TTC23: variants seen among roughly 807,000 people sequenced by gnomAD.
TTC23 encodes the protein tetratricopeptide repeat domain 23.
A neutral mutation model predicts 55.1 loss-of-function variants in TTC23; 58 were observed. The observed-to-expected ratio is 1.05, with a 90% CI of 0.85 to 1.31. The LOEUF (loss-of-function observed/expected upper bound fraction) is 1.31, where lower values mean the gene tolerates loss of function less well. TTC23 is among the 50% of genes most tolerant of loss of function. TTC23 has a pLI of 0.00. For missense variants in TTC23, 516 were observed against 534.4 expected (o/e 0.97, Z 0.34); for synonymous variants, 203 against 199.9 (o/e 1.02, Z -0.13).
intron 12 of TTC23, among the ~76,000 whole-genome samples, chr15:99,149,783 G>A (rs2069453970): frequency 6.6e-6 from 1 of 152,230 alleles, no homozygotes; most frequent in Non-Finnish European, 1.5e-5. Flanking sequence ...GAGGAATGAT[G>A]TATGAGCCAC....
chr15:99,220,031 T>C (rs980670816), intron 6 of TTC23, among the ~76,000 whole-genome samples: 2 of 152,244 alleles, frequency 1.3e-5, no homozygotes, highest in Admixed American at 6.5e-5. Context: ...CCACCTGTGC[T>C]TGTGATGTTA....
chr15:99,245,576 A>G (rs2080172682), intron 1 of TTC23, 66 bp from the exon 2 acceptor site: 1 of 152,030 alleles, frequency 6.6e-6, no homozygotes, highest in African/African-American at 2.4e-5. Context: ...TCCAAAAATA[A>G]ACTCTTATAT....
At chr15:99,224,621 C>T (rs2078235004) in intron 5 of TTC23, among the ~76,000 whole-genome samples, 1 of 152,156 alleles carries the variant, frequency 6.6e-6, no homozygotes, top group African/African-American at 2.4e-5. Flanking sequence ...TAAACATTTC[C>T]ACAAAACAAA....
chr15:99,248,452 T>C (rs1187256324), intron 1 of TTC23: 2 of 152,224 alleles, frequency 1.3e-5, no homozygotes, highest in African/African-American at 4.8e-5. Flanking sequence ...TCAGGCTGCA[T>C]GTATTTGCTA....
chr15:99,147,058 G>A lies in TTC23; in HGVS notation c.1144-7659C>T, dbSNP rs1302373299. Reference sequence around the variant, plus strand: ...GCCTCCCAAGTAGCTGAGATTACAGGCACACGCCACCACACCTGGCTAATT... The same window carrying A: ...GCCTCCCAAGTAGCTGAGATTACAGACACACGCCACCACACCTGGCTAATT... On this transcript the variant is annotated intron_variant, in intron 12 of 13. Transcript: ENST00000394132. Among the ~76,000 whole-genome samples the A allele has an allele frequency of 2.0e-5, 3 of 150,958 alleles. No homozygotes were observed. In the East Asian group the frequency reaches 5.8e-4, roughly 29 times the overall value.
At chr15:99,160,663 A>G (rs1452003068) in intron 11 of TTC23, 1 of 152,134 alleles carries the variant, frequency 6.6e-6, no homozygotes, top group Non-Finnish European at 1.5e-5. Context: ...GAGTGTGTAT[A>G]TATGTATGTA....
chr15:99,224,735 C>T (rs72756886), intron 5 of TTC23, among the ~76,000 whole-genome samples: 19 of 152,252 alleles, frequency 1.2e-4, no homozygotes, highest in South Asian at 4.1e-4. Context: ...ATACTTTCAG[C>T]GCAGCACATG....
rs138640332 is a variant in TTC23, at chr15:99,200,054, G to A, written c.624C>T (p.His208=). Residue 208 remains histidine (H), a synonymous_variant, in exon 9 of 14, where the codon CAC becomes CAT. Transcript: ENST00000394132. ...CAACATATTCCAAAGCTGCTTGATA[G>A]TGGGACAAAGCTTCTTTTGACTTCT... ...GQKKSKEALS[H]YQAALEYVEI... The A allele has an allele frequency of 2.2e-5, 36 of 1,612,752 alleles. No individual in the cohort carries two copies. Among genetic ancestry groups the A allele is most frequent in the Non-Finnish European group, 3.0e-5 (35 of 1,179,262 alleles).
chr15:99,180,753 C>A (rs2074037391), intron 9 of TTC23, among the ~76,000 whole-genome samples: 1 of 152,138 alleles, frequency 6.6e-6, no homozygotes, highest in African/African-American at 2.4e-5. Flanking sequence ...ATTTGGGGTT[C>A]AGTGACAGAG....
intron 8 of TTC23, 50 bp from the exon 9 acceptor site, chr15:99,200,146 CT>C: frequency 6.9e-7 from 1 of 1,448,224 alleles, no homozygotes; most frequent in Non-Finnish European, 9.2e-7. Context: ...ATAGAAAATA[CT>C]GAAAATATAG....
intron 12 of TTC23, chr15:99,155,349 A>G (rs1344346202): frequency 6.6e-6 from 1 of 152,228 alleles, no homozygotes; most frequent in African/African-American, 2.4e-5. Flanking sequence ...GAAAAACTCA[A>G]TATCACAAAG....
intron 9 of TTC23, among the ~76,000 whole-genome samples, chr15:99,182,337 C>G (rs2074233747): frequency 6.6e-6 from 1 of 151,832 alleles, no homozygotes. Flanking sequence ...TCTCCTATGA[C>G]CCATACTGGG....
At chr15:99,246,441 C>G (rs1486471997) in intron 1 of TTC23, among the ~76,000 whole-genome samples, 1 of 151,948 alleles carries the variant, frequency 6.6e-6, no homozygotes, top group Admixed American at 6.6e-5. Flanking sequence ...TGGTGAAACC[C>G]TGTCTCTACT....
At chr15:99,214,855 T>TC (rs2152035342) in intron 8 of TTC23, among the ~76,000 whole-genome samples, 2 of 142,680 alleles carry the variant, frequency 1.4e-5, no homozygotes, top group South Asian at 4.6e-4. Flanking sequence ...TTTTCTCCTT[T>TC]TTTTTTTTTT....
intron 12 of TTC23, chr15:99,139,889 G>A (rs1316314921): frequency 2.0e-5 from 11 of 554,620 alleles, no homozygotes; most frequent in Admixed American, 3.6e-5. Flanking sequence ...ACTACCCAGG[G>A]CTGGCTTTGG....
chr15:99,228,440 A>T, intron 5 of TTC23, 93 bp downstream of exon 5: 1 of 1,181,398 alleles, frequency 8.5e-7, no homozygotes, highest in East Asian at 2.6e-5. Context: ...AACTGCTGAG[A>T]TTAGGAATGT....
intron 5 of TTC23, among the ~76,000 whole-genome samples, chr15:99,222,712 T>A (rs1037714802): frequency 1.3e-5 from 2 of 152,074 alleles, no homozygotes; most frequent in Non-Finnish European, 2.9e-5. Flanking sequence ...AAAACACGGT[T>A]CCAGGCTGGG....
intron 1 of TTC23, chr15:99,248,358 CTT>C: frequency 6.6e-6 from 1 of 152,156 alleles, no homozygotes; most frequent in Non-Finnish European, 1.5e-5. Flanking sequence ...AATTCCGGCT[CTT>C]TATATTTCTC....
At chr15:99,229,515 C>T (rs1295007941) in intron 4 of TTC23, among the ~76,000 whole-genome samples, 2 of 152,096 alleles carry the variant, frequency 1.3e-5, no homozygotes, top group Admixed American at 6.5e-5. Context: ...CAGTGGACTA[C>T]CTGAGTTGAG....
Sources: allele counts gnomAD v4.1 joint callset (sites outside exome capture counted in the v4.1 genomes callset), GRCh38; gene constraint gnomAD v4.1.1; transcripts MANE v1.5; gene names NCBI Gene and HGNC (gene_info 2026-07-23, HGNC 2026-07-21).